The following TBL1XR1 variants were observed in gnomAD, a reference collection of about 807,000 sequenced individuals.
TBL1XR1 encodes the protein TBL1X/Y related 1.
TBL1XR1 carries 5 observed loss-of-function variants against 66.9 expected under a neutral mutation model. The observed-to-expected ratio is 0.07, with a 90% CI of 0.04 to 0.16. TBL1XR1 has a LOEUF of 0.16. Ranked by LOEUF, TBL1XR1 falls within the 10% of genes least tolerant of loss-of-function variation. The probability of loss-of-function intolerance (pLI) is 1.00; values close to 1 mark genes in which losing one functional copy is unlikely to be tolerated. For synonymous variants in TBL1XR1, 210 were observed against 206.0 expected (o/e 1.02, Z -0.17); for missense variants, 238 against 623.2 (o/e 0.38, Z 6.58).
rs539678967 is a variant in TBL1XR1 at position 177,038,072 on chromosome 3, C to G, written c.1122+26G>C. The stretch of plus-strand genomic sequence containing the variant: ...AACCATACTGTGTGACACCGCCAAC[C>G]CATTTCTCCCTACTAAGCAAATTAC... On this transcript the variant is annotated intron_variant, in intron 12 of 15. Coordinates refer to ENST00000457928, the MANE Select transcript of TBL1XR1 (RefSeq NM_024665.7). 6 of 1,608,244 alleles carry G rather than the reference C, an allele frequency of 3.7e-6. No homozygotes were observed. The East Asian group carries it at 1.3e-4, about 36-fold the overall frequency.
At chr3:177,060,617 CAGAA>C (rs1454913228) in intron 3 of TBL1XR1, among the ~76,000 whole-genome samples, 4 of 152,134 alleles carry the variant, frequency 2.6e-5, no homozygotes, top group Non-Finnish European at 5.9e-5. Flanking sequence ...AACCAGGTGT[CAGAA>C]AGTTCAAAAA....
intron 1 of TBL1XR1, among the ~76,000 whole-genome samples, chr3:177,145,104 G>A (rs765132997): frequency 6.6e-6 from 1 of 152,110 alleles, no homozygotes; most frequent in Non-Finnish European, 1.5e-5. Flanking sequence ...TAACGAACAG[G>A]AACCTAGTGG....
At chr3:177,098,813 G>C (rs1723827814) in intron 1 of TBL1XR1, among the ~76,000 whole-genome samples, 1 of 152,002 alleles carries the variant, frequency 6.6e-6, no homozygotes, top group Admixed American at 6.6e-5. Context: ...TCACCACCAG[G>C]CAACTCAACT....
In TBL1XR1 at chr3:177,049,963, T is replaced by C. The variant is rs760856825; in HGVS notation, c.702+34A>G. 33 of 1,607,646 alleles carry C rather than the reference T, an allele frequency of 2.1e-5. No homozygotes were observed. The South Asian group carries it at 3.4e-4, about 17-fold the overall frequency. ...AGGCTCTGAGGGTTAGGTATACTAG[T>C]AATTATATCCATCATGGATATAGTG... is the stretch of plus-strand genomic sequence containing the variant. On this transcript the variant is annotated intron_variant, in intron 7 of 15. Coordinates refer to ENST00000457928, the MANE Select transcript of TBL1XR1 (RefSeq NM_024665.7).
At chr3:177,195,498 G>GT (rs1450476473) in intron 1 of TBL1XR1, 1 of 66,496 alleles carries the variant, frequency 1.5e-5, no homozygotes, top group Non-Finnish European at 4.7e-5. Context: ...ATACATCAAT[G>GT]TAGCATGGGT....
Position 177,050,661 on chromosome 3 carries a change from T to C in TBL1XR1, c.428-51A>G, listed in dbSNP as rs980893700. On this transcript the variant is annotated intron_variant, in intron 5 of 15. Coordinates refer to ENST00000457928, the MANE Select transcript of TBL1XR1 (RefSeq NM_024665.7). ...TTTCCAGTTAGGCAGTATTACAACA[T>C]GGTGGATGGGTGATTTCTTAACTAG... 6.2e-6 allele frequency: 10 copies of C among 1,605,514 alleles called. No individual in the cohort carries two copies. In the African/African-American group the frequency reaches 1.2e-4, roughly 19 times the overall value.
At chr3:177,165,529 A>G (rs1732720223) in intron 1 of TBL1XR1, among the ~76,000 whole-genome samples, 1 of 152,174 alleles carries the variant, frequency 6.6e-6, no homozygotes, top group African/African-American at 2.4e-5. Flanking sequence ...AGGAGAGAAC[A>G]AAGTGAAAGG....
chr3:177,097,778 TGC>T (rs1723680361), intron 2 of TBL1XR1, among the ~76,000 whole-genome samples: 1 of 152,148 alleles, frequency 6.6e-6, no homozygotes, highest in Non-Finnish European at 1.5e-5. Context: ...AAGAGCAAAA[TGC>T]CACTGTTGCA....
At position 177,084,556 on chromosome 3, in the gene TBL1XR1, T is replaced by C. The variant is rs140927255; in HGVS notation, c.-46+13910A>G. The stretch of plus-strand genomic sequence containing the variant: ...ACAGCAACTTGATAATCCTTTTTCT[T>C]GGTTTATAGATACTTGAACTGTTAC... On this transcript the variant is annotated intron_variant, in intron 2 of 15. Transcript: ENST00000457928. Among the ~76,000 whole-genome samples the C allele has an allele frequency of 2.6e-3, 393 of 152,384 alleles. 1 individual carries two copies. The highest frequency in any genetic ancestry group is 9.1e-3 in the African/African-American group (378 of 41,590).
intron 2 of TBL1XR1, among the ~76,000 whole-genome samples, chr3:177,072,631 T>C (rs1401729269): frequency 6.6e-6 from 1 of 152,218 alleles, no homozygotes; most frequent in Non-Finnish European, 1.5e-5. Context: ...AAAATGATGG[T>C]TGTCTCAAAA....
At chr3:177,083,883 T>C (rs1721769777) in intron 2 of TBL1XR1, among the ~76,000 whole-genome samples, 1 of 150,266 alleles carries the variant, frequency 6.7e-6, no homozygotes, top group South Asian at 2.1e-4. Context: ...AGGTCAGGAG[T>C]TCGAGATCAG....
At chr3:177,091,728 G>T (rs1022455264) in intron 2 of TBL1XR1, among the ~76,000 whole-genome samples, 25 of 152,120 alleles carry the variant, frequency 1.6e-4, no homozygotes, top group Non-Finnish European at 1.5e-5. Flanking sequence ...ACCTAGAAAG[G>T]TATTCAAGAA....
chr3:177,171,480 G>C (rs989877960), intron 1 of TBL1XR1: 5 of 152,034 alleles, frequency 3.3e-5, no homozygotes, highest in African/African-American at 1.2e-4. Context: ...TGGATCACGA[G>C]ATCAGTAGAT....
intron 13 of TBL1XR1, 38 bp from the exon 14 acceptor site, chr3:177,033,174 G>A (rs1714248648): frequency 1.4e-6 from 2 of 1,477,266 alleles, no homozygotes; most frequent in South Asian, 1.5e-5. Context: ...TTATAAGTAA[G>A]GAAATACTCC....
intron 1 of TBL1XR1, among the ~76,000 whole-genome samples, chr3:177,180,363 T>C (rs918110054): frequency 3.9e-5 from 4 of 102,310 alleles, no homozygotes; most frequent in Admixed American, 1.2e-4. Context: ...AGCCCATAAA[T>C]ACGTTCATTC....
At chr3:177,149,481 G>T (rs1475038619) in intron 1 of TBL1XR1, among the ~76,000 whole-genome samples, 1 of 151,918 alleles carries the variant, frequency 6.6e-6, no homozygotes, top group Non-Finnish European at 1.5e-5. Context: ...GAAAACTGGG[G>T]TTTAAAATGG....
chr3:177,112,045 A>T (rs1446409822), intron 1 of TBL1XR1, among the ~76,000 whole-genome samples: 1 of 142,890 alleles, frequency 7.0e-6, no homozygotes, highest in African/African-American at 2.6e-5. Flanking sequence ...CTGCCTTCTA[A>T]GAAATAAGAC....
chr3:177,112,091 A>T (rs1332642222), intron 1 of TBL1XR1, among the ~76,000 whole-genome samples: 2 of 45,636 alleles, frequency 4.4e-5, no homozygotes, highest in East Asian at 8.0e-4. Context: ...ATATATATAT[A>T]TATATATATA....
At chr3:177,060,361 T>C (rs946117185) in intron 3 of TBL1XR1, among the ~76,000 whole-genome samples, 3 of 152,188 alleles carry the variant, frequency 2.0e-5, no homozygotes, top group African/African-American at 7.2e-5. Flanking sequence ...AATCACTATC[T>C]AGAAAGTTAC....
Sources: gnomAD v4.1 joint callset for allele counts (sites outside exome capture counted in the v4.1 genomes callset) on GRCh38, gnomAD v4.1.1 for gene constraint, MANE v1.5 for transcripts, NCBI Gene and HGNC (gene_info 2026-07-23, HGNC 2026-07-21) for gene names.